FLRT2: variants seen among roughly 807,000 people sequenced by gnomAD.
FLRT2 encodes fibronectin leucine rich transmembrane protein 2, also known as leucine-rich repeat transmembrane protein FLRT2.
Under a neutral mutation model 40.0 loss-of-function variants are expected in FLRT2, and 15 were observed. The ratio of observed to expected loss-of-function variants is 0.38; its 90% CI spans 0.25 to 0.58. FLRT2 has a LOEUF of 0.58. FLRT2 is among the 20% of genes least tolerant of loss of function. The pLI, the probability that FLRT2 is intolerant of heterozygous loss-of-function variation, is 0.71. For synonymous variants in FLRT2, 380 were observed against 336.8 expected (o/e 1.13, Z -1.41); for missense variants, 726 against 840.0 (o/e 0.86, Z 1.68).
intron 1 of FLRT2, among the ~76,000 whole-genome samples, chr14:85,571,667 C>T (rs1890897963): frequency 6.6e-6 from 1 of 152,054 alleles, no homozygotes; most frequent in South Asian, 2.1e-4. Flanking sequence ...GGGGACAGAG[C>T]CAAAGGGAGG....
chr14:85,551,253 G>A (rs1889600080), intron 1 of FLRT2, among the ~76,000 whole-genome samples: 1 of 152,164 alleles, frequency 6.6e-6, no homozygotes, highest in South Asian at 2.1e-4. Context: ...AAAGCACCTT[G>A]TTGATGGAGG....
chr14:85,580,553 C>T (rs530354679), intron 1 of FLRT2, among the ~76,000 whole-genome samples: 3 of 152,096 alleles, frequency 2.0e-5, no homozygotes, highest in African/African-American at 4.8e-5. Flanking sequence ...AATAGAGTTT[C>T]GTTAAAGTTA....
chr14:85,561,147 G>A (rs2038251), intron 1 of FLRT2: 29,009 of 151,990 alleles, frequency 0.19, 3,203 homozygotes, highest in African/African-American at 0.28. Flanking sequence ...TGTTTGTGTT[G>A]CACAACCCCG....
chr14:85,623,104 G>A lies in FLRT2; in HGVS notation c.1590G>A (p.Glu530=), dbSNP rs764264761. ...GCAGCAACACAGCGTCCAGCCATGA[G>A]CAGACGACGTCCCACAGCATGGGCT... The part of the protein sequence containing the change: ...NNGSNTASSH[E]QTTSHSMGSP... Residue 530 remains glutamate, a synonymous_variant, in exon 2 of 2, where the codon GAG becomes GAA. Transcript: ENST00000330753. The A allele has an allele frequency of 4.3e-6, 7 of 1,613,310 alleles. No homozygotes were observed. The highest frequency in any genetic ancestry group is 3.3e-5 in the Admixed American group (2 of 59,940).
At chr14:85,554,493 G>T (rs892263089) in intron 1 of FLRT2, among the ~76,000 whole-genome samples, 2 of 152,198 alleles carry the variant, frequency 1.3e-5, no homozygotes, top group Non-Finnish European at 2.9e-5. Context: ...GATCACTTCT[G>T]TGTGGTTTGT....
intron 1 of FLRT2, among the ~76,000 whole-genome samples, chr14:85,582,256 ATG>A (rs1299586981): frequency 2.6e-5 from 4 of 152,198 alleles, no homozygotes; most frequent in African/African-American, 9.6e-5. Context: ...TATATGATAT[ATG>A]TGTTTGTATA....
chr14:85,592,078 T>C (rs1324461815), intron 1 of FLRT2, among the ~76,000 whole-genome samples: 2 of 152,174 alleles, frequency 1.3e-5, no homozygotes, highest in African/African-American at 4.8e-5. Flanking sequence ...CTTTTTTCCA[T>C]AGTTGCTGAT....
At chr14:85,548,713 A>G (rs1288525243) in intron 1 of FLRT2, among the ~76,000 whole-genome samples, 1 of 146,086 alleles carries the variant, frequency 6.8e-6, no homozygotes, top group Non-Finnish European at 1.5e-5. Context: ...TGTAAATGAT[A>G]CAAACAGGAA....
chr14:85,609,124 C>T (rs1251715553), intron 1 of FLRT2, among the ~76,000 whole-genome samples: 1 of 152,144 alleles, frequency 6.6e-6, no homozygotes, highest in African/African-American at 2.4e-5. Flanking sequence ...TGCACTCCTC[C>T]TTCCCAATCC....
rs952482522 is a variant in FLRT2, at chr14:85,641,787, T to C, written c.*18290T>C. On this transcript the variant is annotated 3_prime_UTR_variant, in exon 2 of 2. Coordinates refer to ENST00000330753, the MANE Select transcript of FLRT2 (RefSeq NM_013231.6). Reference sequence around the variant, plus strand: ...TAAATTTGATATTGGTTACCTAAACTGTCTGAATTTGAAAGTAGAGACAAT... The same window carrying C: ...TAAATTTGATATTGGTTACCTAAACCGTCTGAATTTGAAAGTAGAGACAAT... 2 of 152,174 alleles carry C rather than the reference T, an allele frequency of 1.3e-5. No homozygotes were observed. Among genetic ancestry groups the C allele is most frequent in the African/African-American group, 4.8e-5 (2 of 41,450 alleles). 9.4% of individuals were successfully genotyped at this position (152,174 alleles called of 1,614,324 possible). A position where few individuals can be genotyped will look rare whatever the true frequency, so the allele number is the denominator to read the frequency against.
At position 85,643,341 on chromosome 14, in the gene FLRT2, T is replaced by TCC. The variant is rs879459291; in HGVS notation, c.*19844_*19845insCC. 0.015 allele frequency: 1,588 copies of TCC among 109,494 alleles called. 21 individuals carry two copies. The highest frequency in any genetic ancestry group is 0.036 in the Admixed American group (379 of 10,524). 6.8% of individuals were successfully genotyped at this position (109,494 alleles called of 1,614,324 possible). ...TTTCTTTCTTTCTTTCTTTCTTTCT[T>TCC]TCTTTCTTTCTTTCTTCCTTCCTTC... On this transcript the variant is annotated 3_prime_UTR_variant, in exon 2 of 2. Coordinates refer to ENST00000330753, the MANE Select transcript of FLRT2 (RefSeq NM_013231.6).
chr14:85,556,019 C>A (rs544445354), intron 1 of FLRT2, among the ~76,000 whole-genome samples: 1 of 152,126 alleles, frequency 6.6e-6, no homozygotes, highest in Non-Finnish European at 1.5e-5. Context: ...ATAGTACAGA[C>A]GGAAGGCATG....
At chr14:85,595,412 T>C (rs1892090492) in intron 1 of FLRT2, among the ~76,000 whole-genome samples, 1 of 145,484 alleles carries the variant, frequency 6.9e-6, no homozygotes, top group African/African-American at 2.6e-5. Context: ...AATAATGACC[T>C]ACAAGAATTT....
rs1889904798 is a variant in FLRT2, at chr14:85,555,689, C to CCTTTTTATTTTATTTTATTT, written c.-377+25155_-377+25156insCTTTTTATTTTATTTTATTT. 5.1e-5 allele frequency among the ~76,000 whole-genome samples: 6 copies of CCTTTTTATTTTATTTTATTT among 117,884 alleles called. No individual in the cohort carries two copies. In the East Asian group the frequency reaches 1.6e-3, roughly 31 times the overall value. 77.3% of individuals were successfully genotyped at this position (117,884 alleles called of 152,430 possible). Reference sequence around the variant, plus strand: ...TAACTATTTCTCTCTTATCTGAAATCTATTTTATTTTATTTTATTTTATTT... The same window carrying CCTTTTTATTTTATTTTATTT: ...TAACTATTTCTCTCTTATCTGAAATCCTTTTTATTTTATTTTATTTTATTTTATTTTATTTTATTTTATTT... On this transcript the variant is annotated intron_variant, in intron 1 of 1. Transcript: ENST00000330753.
chr14:85,561,969 T>C (rs991110670), intron 1 of FLRT2, among the ~76,000 whole-genome samples: 2 of 152,212 alleles, frequency 1.3e-5, no homozygotes, highest in Non-Finnish European at 2.9e-5. Flanking sequence ...GACACTTCTG[T>C]CACTTCCATG....
In FLRT2 at chr14:85,627,061, G is replaced by A. The variant is rs773926511; in HGVS notation, c.*3564G>A. 6.0e-6 allele frequency: 1 copy of A among 167,020 alleles called. No individual in the cohort carries two copies. Among genetic ancestry groups the A allele is most frequent in the Admixed American group, 6.5e-5 (1 of 15,284 alleles). The allele number at this position is 167,020 out of a possible 1,614,324, so 10.3% of individuals were successfully genotyped here. A position where few individuals can be genotyped will look rare whatever the true frequency, so the allele number is the denominator to read the frequency against. On this transcript the variant is annotated 3_prime_UTR_variant, in exon 2 of 2. Coordinates refer to ENST00000330753, the MANE Select transcript of FLRT2 (RefSeq NM_013231.6). ...GACCTTGGCTGCAGAGGCCATCGCA[G>A]CTTTTGAAAAGTGAAGGGGTTAATT...
chr14:85,554,115 T>TA (rs1889805421), intron 1 of FLRT2, among the ~76,000 whole-genome samples: 1 of 152,156 alleles, frequency 6.6e-6, no homozygotes, highest in Non-Finnish European at 1.5e-5. Context: ...GAGCATAACT[T>TA]ATTCAAAGGC....
intron 1 of FLRT2, among the ~76,000 whole-genome samples, chr14:85,581,343 G>A (rs1038056461): frequency 1.3e-4 from 20 of 152,292 alleles, no homozygotes; most frequent in African/African-American, 3.6e-4. Context: ...TTGGCTTCAC[G>A]TGGCTCATAA....
chr14:85,577,694 C>T (rs1891181056), intron 1 of FLRT2, among the ~76,000 whole-genome samples: 1 of 151,992 alleles, frequency 6.6e-6, no homozygotes, highest in Admixed American at 6.6e-5. Flanking sequence ...ACAAGTGGTC[C>T]TCCTGCCTCA....
Sources: gnomAD v4.1 joint callset for allele counts (sites outside exome capture counted in the v4.1 genomes callset) on GRCh38, gnomAD v4.1.1 for gene constraint, MANE v1.5 for transcripts, NCBI Gene and HGNC (gene_info 2026-07-23, HGNC 2026-07-21) for gene names.